TMEM38B: variants seen among roughly 807,000 people sequenced by gnomAD.
The protein encoded by TMEM38B is transmembrane protein 38B.
Under a neutral mutation model 28.7 loss-of-function variants are expected in TMEM38B, and 24 were observed. The ratio of observed to expected loss-of-function variants is 0.84; its 90% confidence interval spans 0.61 to 1.18. The LOEUF (loss-of-function observed/expected upper bound fraction) is 1.18, where lower values mean the gene tolerates loss of function less well. Among genes scored for constraint, TMEM38B ranks in the 50% most tolerant of loss-of-function variants. TMEM38B has a pLI of 0.00. For synonymous variants in TMEM38B, 131 were observed against 127.7 expected, an observed-to-expected ratio of 1.03 and a Z score of -0.17; for missense variants, 380 against 350.9, an observed-to-expected ratio of 1.08 and a Z score of -0.66.
rs139439074 is a variant in TMEM38B, at chr9:105,774,723, T to G, written c.*643T>G. The G allele has an allele frequency of 8.5e-5, 13 of 152,118 alleles. No homozygotes were observed. The East Asian group carries it at 2.3e-3, about 27-fold the overall frequency. 9.4% of individuals were successfully genotyped at this position (152,118 alleles called of 1,614,324 possible). ...TAGAAGTAGTTTTACTACTTTTCAT[T>G]TAGAACAGAGTATGAGTCTTAATCT... On this transcript the variant is annotated 3_prime_UTR_variant, in exon 6 of 6. Coordinates refer to ENST00000374692, the MANE Select transcript of TMEM38B (RefSeq NM_018112.3).
chr9:105,731,926 G>A (rs1432002366), intron 4 of TMEM38B, among the ~76,000 whole-genome samples: 1 of 152,154 alleles, frequency 6.6e-6, no homozygotes, highest in Non-Finnish European at 1.5e-5. Flanking sequence ...CCCACCAACA[G>A]TGTAAAAGTG....
At chr9:105,768,687 A>C (rs2133652775) in intron 5 of TMEM38B, among the ~76,000 whole-genome samples, 1 of 152,282 alleles carries the variant, frequency 6.6e-6, no homozygotes, top group Admixed American at 6.5e-5. Context: ...TGTTGGCATG[A>C]AATTGTTGAT....
At chr9:105,735,967 A>G (rs148169687) in intron 4 of TMEM38B, among the ~76,000 whole-genome samples, 24 of 152,280 alleles carry the variant, frequency 1.6e-4, no homozygotes, top group South Asian at 6.2e-4. Flanking sequence ...CTTGGGGTCA[A>G]GTGATCTTCC....
intron 5 of TMEM38B, among the ~76,000 whole-genome samples, chr9:105,772,138 C>G (rs1826566662): frequency 6.6e-6 from 1 of 152,170 alleles, no homozygotes; most frequent in African/African-American, 2.4e-5. Flanking sequence ...ACTTATCTTC[C>G]CAGTACCAGG....
At chr9:105,710,960 G>C (rs915099454) in intron 2 of TMEM38B, among the ~76,000 whole-genome samples, 2 of 152,096 alleles carry the variant, frequency 1.3e-5, no homozygotes, top group African/African-American at 4.8e-5. Context: ...CTGGGACCAC[G>C]GTGGTTCTTT....
In TMEM38B at chr9:105,707,673, A is replaced by G. The variant is rs535101281; in HGVS notation, c.269+1920A>G. Among the ~76,000 whole-genome samples, 7 of 152,316 alleles carry G rather than the reference A, an allele frequency of 4.6e-5. No homozygotes were observed. The South Asian group carries it at 1.4e-3, about 32-fold the overall frequency. On this transcript the variant is annotated intron_variant, in intron 2 of 5. Transcript: ENST00000374692. ...TTATATTTAATCAGAGGAGTACTAT[A>G]AGGTAGCTATTATTATTTCCATTTG... is the stretch of plus-strand genomic sequence containing the variant.
intron 5 of TMEM38B, among the ~76,000 whole-genome samples, chr9:105,771,795 G>C (rs1243530681): frequency 6.6e-6 from 1 of 152,110 alleles, no homozygotes; most frequent in Non-Finnish European, 1.5e-5. Context: ...CCTTTCGCTT[G>C]TATGATAAAT....
chr9:105,694,650 C>T lies in TMEM38B; in HGVS notation c.-11C>T. 6.2e-7 allele frequency: 1 copy of T among 1,610,128 alleles called. No individual in the cohort carries two copies. Among genetic ancestry groups the T allele is most frequent in the Non-Finnish European group, 8.5e-7 (1 of 1,176,758 alleles). ...CCGCGGCTGCTTCGGTTGCCGCGGT[C>T]GGTGGTCGTTATGGATTCTCCATGG... is the stretch of plus-strand genomic sequence containing the variant. On this transcript the variant is annotated 5_prime_UTR_variant, in exon 1 of 6. Transcript: ENST00000374692.
intron 5 of TMEM38B, among the ~76,000 whole-genome samples, chr9:105,751,114 G>A (rs7020276): frequency 0.21 from 31,703 of 152,140 alleles, 5,138 homozygotes; most frequent in East Asian, 0.46. Flanking sequence ...AGCAGCTGTG[G>A]TCCATGGCAC....
chr9:105,742,430 C>T (rs1288616093), intron 4 of TMEM38B, among the ~76,000 whole-genome samples: 1 of 152,220 alleles, frequency 6.6e-6, no homozygotes, highest in East Asian at 1.9e-4. Flanking sequence ...CTTTTTCCTC[C>T]TCTTTTCTCC....
chr9:105,694,553 G>A lies in TMEM38B; in HGVS notation c.-108G>A, dbSNP rs549658848. Reference sequence around the variant, plus strand: ...AGGGCGCACGCGCGGAGCTGGAGCCGGCGCGGAGGAGCGGGCGGCCGCGGC... The same window carrying A: ...AGGGCGCACGCGCGGAGCTGGAGCCAGCGCGGAGGAGCGGGCGGCCGCGGC... On this transcript the variant is annotated 5_prime_UTR_variant, in exon 1 of 6. Coordinates refer to ENST00000374692, the MANE Select transcript of TMEM38B (RefSeq NM_018112.3). The A allele has an allele frequency of 1.4e-6, 1 of 724,556 alleles. No individual in the cohort carries two copies. Among genetic ancestry groups the A allele is most frequent in the Non-Finnish European group, 2.1e-6 (1 of 466,798 alleles). The allele number at this position is 724,556 out of a possible 1,614,324, so 44.9% of individuals were successfully genotyped here. A position where few individuals can be genotyped will look rare whatever the true frequency, so the allele number is the denominator to read the frequency against.
At chr9:105,733,183 T>C (rs879125070) in intron 4 of TMEM38B, among the ~76,000 whole-genome samples, 1 of 152,168 alleles carries the variant, frequency 6.6e-6, no homozygotes, top group Non-Finnish European at 1.5e-5. Flanking sequence ...ATAAGTGCGA[T>C]GTGGTGCTGA....
At chr9:105,731,755 A>C (rs7021342) in intron 4 of TMEM38B, among the ~76,000 whole-genome samples, 35,497 of 152,026 alleles carry the variant, frequency 0.23, 6,825 homozygotes, top group African/African-American at 0.51. Flanking sequence ...TGATTAGTGC[A>C]GCAATAAACA....
intron 2 of TMEM38B, among the ~76,000 whole-genome samples, chr9:105,706,713 G>T (rs537446368): frequency 2.8e-4 from 42 of 151,402 alleles, no homozygotes; most frequent in Middle Eastern, 3.4e-3. Context: ...CCTTAACCTT[G>T]CTCTGGAGGG....
At chr9:105,746,230 A>ATTTG (rs199925888) in intron 4 of TMEM38B, among the ~76,000 whole-genome samples, 34,805 of 150,458 alleles carry the variant, frequency 0.23, 6,578 homozygotes, top group African/African-American at 0.5. Flanking sequence ...ATGTTCTTCC[A>ATTTG]TTTGTATCCT....
chr9:105,703,477 T>C (rs1835526467), intron 1 of TMEM38B, among the ~76,000 whole-genome samples: 1 of 152,236 alleles, frequency 6.6e-6, no homozygotes, highest in African/African-American at 2.4e-5. Context: ...TTCCAAGTCT[T>C]TGCTGTTGTG....
chr9:105,754,281 C>G (rs545936613), intron 5 of TMEM38B, among the ~76,000 whole-genome samples: 100 of 152,222 alleles, frequency 6.6e-4, no homozygotes, highest in African/African-American at 2.0e-3. Context: ...CTGGATCAAG[C>G]AGAGCTGATA....
At chr9:105,728,254 C>G (rs1588424197) in intron 4 of TMEM38B, among the ~76,000 whole-genome samples, 1 of 151,838 alleles carries the variant, frequency 6.6e-6, no homozygotes, top group Non-Finnish European at 1.5e-5. Flanking sequence ...CCCCCCAGCC[C>G]CCAACAAGCC....
At chr9:105,745,211 A>G (rs1024033081) in intron 4 of TMEM38B, among the ~76,000 whole-genome samples, 10 of 152,180 alleles carry the variant, frequency 6.6e-5, no homozygotes, top group African/African-American at 2.4e-4. Context: ...CAACAGTGTA[A>G]AAGTGTTCCT....
Sources: allele counts gnomAD v4.1 joint callset (sites outside exome capture counted in the v4.1 genomes callset), GRCh38; gene constraint gnomAD v4.1.1; transcripts MANE v1.5; gene names NCBI Gene and HGNC (gene_info 2026-07-23, HGNC 2026-07-21).